The following LARGE1 variants were observed in gnomAD, a reference collection of about 807,000 sequenced individuals.
LARGE1 encodes the protein LARGE xylosyl- and glucuronyltransferase 1.
A neutral mutation model predicts 87.6 loss-of-function variants in LARGE1; 43 were observed. The ratio of observed to expected loss-of-function variants is 0.49; its 90% confidence interval spans 0.38 to 0.63. LARGE1 has a LOEUF of 0.63. Ranked by LOEUF, LARGE1 falls within the 30% of genes least tolerant of loss-of-function variation. The pLI, the probability that LARGE1 is intolerant of heterozygous loss-of-function variation, is 0.00. For synonymous variants in LARGE1, 434 were observed against 394.6 expected, an observed-to-expected ratio of 1.10 and a Z score of -1.18; for missense variants, 802 against 1,000.2, an observed-to-expected ratio of 0.80 and a Z score of 2.67.
At chr22:33,122,610 T>C in the LARGE1 span, among the ~76,000 whole-genome samples, 53 of 152,142 alleles carry the variant, frequency 3.5e-4, no homozygotes, top group Non-Finnish European at 6.6e-4. Flanking sequence ...CCATCCGCCT[T>C]GGCCTCCAAA....
chr22:33,315,629 T>C (rs1292228956), intron 11 of LARGE1, among the ~76,000 whole-genome samples: 1 of 151,256 alleles, frequency 6.6e-6, no homozygotes, highest in African/African-American at 2.4e-5. Context: ...ATCAGTACTC[T>C]TTTTTTTTCT....
chr22:33,646,737 T>C (rs1034238959), intron 3 of LARGE1, among the ~76,000 whole-genome samples: 10 of 152,220 alleles, frequency 6.6e-5, no homozygotes, highest in African/African-American at 2.4e-4. Context: ...TGTTTTGTTT[T>C]GTTTTTTTGA....
chr22:33,480,756 C>T (rs1203173165), intron 6 of LARGE1, among the ~76,000 whole-genome samples: 2 of 152,068 alleles, frequency 1.3e-5, no homozygotes, highest in African/African-American at 2.4e-5. Flanking sequence ...TTTTATAATG[C>T]AGTCTTAGAC....
intron 6 of LARGE1, among the ~76,000 whole-genome samples, chr22:33,484,321 A>G (rs1191779392): frequency 6.6e-6 from 1 of 152,170 alleles, no homozygotes; most frequent in Non-Finnish European, 1.5e-5. Context: ...ATTATATAAG[A>G]ATCTTTCTTA....
chr22:33,116,642 C>T, the LARGE1 span, among the ~76,000 whole-genome samples: 1 of 152,068 alleles, frequency 6.6e-6, no homozygotes, highest in Non-Finnish European at 1.5e-5. Context: ...GGATTACAGG[C>T]GTGAGCCACC....
intron 1 of LARGE1, among the ~76,000 whole-genome samples, chr22:33,820,121 T>C (rs1452802412): frequency 1.3e-5 from 2 of 152,200 alleles, no homozygotes; most frequent in Non-Finnish European, 2.9e-5. Flanking sequence ...CGGGTCATTA[T>C]GAATTTGGGG....
rs188270765 is a variant in LARGE1, at chr22:33,523,864, A to G, written c.787+40984T>C. ...GATAACTAGTACAATATCCAAATGA[A>G]GAAACTGTCATGGGTACAATATGTG... On this transcript the variant is annotated intron_variant, in intron 6 of 14. Transcript: ENST00000397394. 2.0e-3 allele frequency among the ~76,000 whole-genome samples: 312 copies of G among 152,342 alleles called. 2 individuals are homozygous for G. The highest frequency in any genetic ancestry group is 2.6e-4 in the Non-Finnish European group (18 of 68,038).
At chr22:33,440,258 G>A (rs1256536459) in intron 6 of LARGE1, among the ~76,000 whole-genome samples, 1 of 152,184 alleles carries the variant, frequency 6.6e-6, no homozygotes, top group Non-Finnish European at 1.5e-5. Context: ...TAGCCCATCT[G>A]GAATTGGTAA....
At chr22:33,398,507 C>T (rs1292920181) in intron 7 of LARGE1, among the ~76,000 whole-genome samples, 1 of 152,118 alleles carries the variant, frequency 6.6e-6, no homozygotes, top group Non-Finnish European at 1.5e-5. Context: ...GTGATAATTC[C>T]TGGTCAACCC....
At chr22:33,122,455 T>A in the LARGE1 span, among the ~76,000 whole-genome samples, 1 of 149,994 alleles carries the variant, frequency 6.7e-6, no homozygotes, top group Non-Finnish European at 1.5e-5. Context: ...GCCTCCCGGG[T>A]TCAAGCGATT....
intron 11 of LARGE1, among the ~76,000 whole-genome samples, chr22:33,315,441 T>C (rs1936049082): frequency 6.6e-6 from 1 of 152,202 alleles, no homozygotes. Flanking sequence ...GAAACAGCGT[T>C]GCTTTCCAGC....
intron 9 of LARGE1, among the ~76,000 whole-genome samples, chr22:33,373,868 G>A (rs955274993): frequency 3.3e-5 from 5 of 151,450 alleles, no homozygotes; most frequent in Admixed American, 2.0e-4. Context: ...CAGCTACTCG[G>A]GAGGCTGAGG....
chr22:33,689,145 G>GTCTCTCTCTCTCTCTC (rs3072287), intron 2 of LARGE1, among the ~76,000 whole-genome samples: 2 of 147,510 alleles, frequency 1.4e-5, no homozygotes, highest in South Asian at 4.3e-4. Flanking sequence ...CAAATTTACT[G>GTCTCTCTCTCTCTCTC]TCTCTCTCTC....
chr22:33,104,923 CTT>C, the LARGE1 span, among the ~76,000 whole-genome samples: 2 of 128,518 alleles, frequency 1.6e-5, no homozygotes, highest in East Asian at 2.6e-4. Flanking sequence ...TTCTTTCTTT[CTT>C]TCTTTCTTTC....
intron 12 of LARGE1, among the ~76,000 whole-genome samples, chr22:33,295,459 T>G (rs1933118523): frequency 6.6e-6 from 1 of 152,230 alleles, no homozygotes; most frequent in African/African-American, 2.4e-5. Context: ...TCAATAGTGC[T>G]AGACGTAAGC....
intron 6 of LARGE1, among the ~76,000 whole-genome samples, chr22:33,519,231 C>CGTGTGTGTGTGT (rs769245398): frequency 6.2e-4 from 84 of 134,632 alleles, no homozygotes; most frequent in African/African-American, 2.3e-3. Flanking sequence ...CGTGCGTGCG[C>CGTGTGTGTGTGT]GCGCGTGTGT....
At chr22:33,527,512 T>C (rs1403001368) in intron 6 of LARGE1, among the ~76,000 whole-genome samples, 1 of 152,166 alleles carries the variant, frequency 6.6e-6, no homozygotes, top group Non-Finnish European at 1.5e-5. Context: ...GGCACTCGGA[T>C]GGCAATCAGT....
intron 1 of LARGE1, among the ~76,000 whole-genome samples, chr22:33,852,598 G>A (rs1479823116): frequency 6.6e-6 from 1 of 152,066 alleles, no homozygotes; most frequent in African/African-American, 2.4e-5. Flanking sequence ...TGTAATCCTA[G>A]CACTTTTGGA....
rs765850257 is a variant in LARGE1 at position 33,385,889 on chromosome 22, C to T, written c.893-1585G>A. Among the ~76,000 whole-genome samples the T allele has an allele frequency of 3.4e-5, 5 of 148,702 alleles. 1 individual carries two copies. The highest frequency in any genetic ancestry group is 1.3e-4 in the Admixed American group (2 of 14,934). On this transcript the variant is annotated intron_variant, in intron 7 of 14. Coordinates refer to ENST00000397394, the MANE Select transcript of LARGE1 (RefSeq NM_133642.5). ...AGTTGAAACCTAGCACCTGCATTTC[C>T]AAGACTCTAGGAAAGAAACTGATTT...
Sources: gnomAD v4.1 joint callset for allele counts (sites outside exome capture counted in the v4.1 genomes callset) on GRCh38, gnomAD v4.1.1 for gene constraint, MANE v1.5 for transcripts, NCBI Gene and HGNC (gene_info 2026-07-23, HGNC 2026-07-21) for gene names.